Variants in COL19A1 observed in about 807,000 individuals in gnomAD.
The protein encoded by COL19A1 is collagen type XIX alpha 1 chain, also known as collagen alpha-1(XIX) chain.
In COL19A1, 159 loss-of-function variants were observed where a neutral mutation model predicts 190.2. The ratio of observed to expected loss-of-function variants is 0.84; its 90% CI spans 0.73 to 0.95. The LOEUF is 0.95. COL19A1 is among the 40% of genes least tolerant of loss of function. COL19A1 has a pLI of 0.00. For missense variants in COL19A1, 1,418 were observed against 1,431.9 expected, an observed-to-expected ratio of 0.99 and a Z score of 0.16; for synonymous variants, 509 against 458.9, an observed-to-expected ratio of 1.11 and a Z score of -1.39.
At chr6:70,037,625 T>C (rs1779423760) in intron 14 of COL19A1, among the ~76,000 whole-genome samples, 1 of 152,272 alleles carries the variant, frequency 6.6e-6, no homozygotes, top group African/African-American at 2.4e-5. Flanking sequence ...TCAACTAAGT[T>C]ATATATTCAA....
At chr6:69,979,746 C>T (rs539934768) in intron 11 of COL19A1, among the ~76,000 whole-genome samples, 1 of 151,288 alleles carries the variant, frequency 6.6e-6, no homozygotes, top group African/African-American at 2.4e-5. Context: ...AATTTAGATA[C>T]CAGGGATATA....
chr6:69,956,221 C>T (rs987083060), intron 9 of COL19A1, among the ~76,000 whole-genome samples: 1 of 151,548 alleles, frequency 6.6e-6, no homozygotes, highest in East Asian at 1.9e-4. Flanking sequence ...ATGTATTGAC[C>T]CATAAGAATA....
At position 69,961,265 on chromosome 6, in the gene COL19A1, G is replaced by A. The variant is rs945252470; in HGVS notation, c.981+1225G>A. Among the ~76,000 whole-genome samples, 3 of 152,172 alleles carry A rather than the reference G, an allele frequency of 2.0e-5. No individual in the cohort carries two copies. The East Asian group carries it at 5.8e-4, about 29-fold the overall frequency. ...ATGCACTTATTTATAGTTACAGATT[G>A]TGTTAAAGAATTTATTTACTTGGCC... On this transcript the variant is annotated intron_variant, in intron 10 of 50. Transcript: ENST00000620364.
chr6:70,187,013 G>A (rs1025424172), intron 46 of COL19A1, among the ~76,000 whole-genome samples: 25 of 152,106 alleles, frequency 1.6e-4, no homozygotes, highest in African/African-American at 5.6e-4. Context: ...GAGTAGCTGG[G>A]ATTACAGGCA....
chr6:70,200,226 CT>C (rs1402267430), intron 49 of COL19A1, among the ~76,000 whole-genome samples: 2 of 152,292 alleles, frequency 1.3e-5, no homozygotes, highest in East Asian at 1.9e-4. Flanking sequence ...TTGAATACAG[CT>C]TGTGGATGGT....
intron 40 of COL19A1, among the ~76,000 whole-genome samples, chr6:70,170,835 G>A (rs1765454501): frequency 6.6e-6 from 1 of 152,076 alleles, no homozygotes; most frequent in Admixed American, 6.6e-5. Context: ...TAATAATGAA[G>A]TTATATCCCT....
intron 1 of COL19A1, among the ~76,000 whole-genome samples, chr6:69,878,542 G>A (rs1014922621): frequency 1.3e-4 from 20 of 152,156 alleles, no homozygotes; most frequent in African/African-American, 4.6e-4. Context: ...AGACAAAATA[G>A]CAAGCATTAT....
intron 17 of COL19A1, among the ~76,000 whole-genome samples, chr6:70,125,386 C>T (rs1785134872): frequency 6.6e-6 from 1 of 152,182 alleles, no homozygotes; most frequent in Non-Finnish European, 1.5e-5. Flanking sequence ...ACAGACTACT[C>T]ATAAACTGCC....
At chr6:70,061,234 T>C (rs1161062760) in intron 14 of COL19A1, among the ~76,000 whole-genome samples, 2 of 152,170 alleles carry the variant, frequency 1.3e-5, no homozygotes, top group African/African-American at 4.8e-5. Flanking sequence ...ATTAAAATTA[T>C]TTTTGCTTTG....
rs1243974830 is a variant in COL19A1 at position 70,206,986 on chromosome 6, G to A, written c.3301+8G>A. On this transcript the variant is annotated splice_region_variant and intron_variant, in intron 50 of 50. Transcript: ENST00000620364. ...GTCTTCCTGGGACTTCAGGTAAGTG[G>A]GATATTGTCTTCACAACACAAGCAA... 1.1e-5 allele frequency: 17 copies of A among 1,612,766 alleles called. No homozygotes were observed. Among genetic ancestry groups the A allele is most frequent in the South Asian group, 3.3e-5 (3 of 90,914 alleles).
intron 16 of COL19A1, among the ~76,000 whole-genome samples, chr6:70,106,599 A>G (rs186465543): frequency 6.6e-6 from 1 of 152,170 alleles, no homozygotes; most frequent in East Asian, 1.9e-4. Flanking sequence ...TATGCATATA[A>G]TGAAACTATT....
At chr6:69,902,304 T>C (rs938470449) in intron 4 of COL19A1, among the ~76,000 whole-genome samples, 1 of 152,224 alleles carries the variant, frequency 6.6e-6, no homozygotes, top group African/African-American at 2.4e-5. Context: ...GCAGATTCTA[T>C]TTTATATGGA....
chr6:70,135,148 T>G (rs186621481), intron 18 of COL19A1, among the ~76,000 whole-genome samples: 3 of 152,282 alleles, frequency 2.0e-5, no homozygotes, highest in African/African-American at 7.2e-5. Flanking sequence ...AGGCAAGGTA[T>G]GTGGGAAGGG....
chr6:70,138,504 TTAAAG>T (rs1786018944), intron 19 of COL19A1, among the ~76,000 whole-genome samples: 2 of 152,146 alleles, frequency 1.3e-5, no homozygotes, highest in African/African-American at 2.4e-5. Flanking sequence ...TCATCTTTGT[TTAAAG>T]AAAAGTAATA....
intron 16 of COL19A1, among the ~76,000 whole-genome samples, chr6:70,108,987 A>G (rs899385399): frequency 4.6e-5 from 7 of 152,268 alleles, no homozygotes; most frequent in African/African-American, 1.7e-4. Context: ...CCTATCTACT[A>G]TGTGTTAATC....
At chr6:69,894,488 T>TG (rs1769582201) in intron 2 of COL19A1, among the ~76,000 whole-genome samples, 1 of 152,240 alleles carries the variant, frequency 6.6e-6, no homozygotes, top group Admixed American at 6.5e-5. Flanking sequence ...TAAAGTCATG[T>TG]GAACTAAAAG....
chr6:69,937,373 A>C (rs1773177504), intron 8 of COL19A1, among the ~76,000 whole-genome samples: 1 of 152,160 alleles, frequency 6.6e-6, no homozygotes, highest in Non-Finnish European at 1.5e-5. Flanking sequence ...ATAAGTTATT[A>C]GGGGAATATA....
chr6:70,037,424 G>A (rs1458591993), intron 14 of COL19A1, among the ~76,000 whole-genome samples: 1 of 152,022 alleles, frequency 6.6e-6, no homozygotes, highest in African/African-American at 2.4e-5. Flanking sequence ...CCAAAGTGCT[G>A]GGATTACAGG....
chr6:70,103,561 C>T (rs1306603557), intron 16 of COL19A1, among the ~76,000 whole-genome samples: 1 of 152,218 alleles, frequency 6.6e-6, no homozygotes, highest in Non-Finnish European at 1.5e-5. Context: ...CTTGGCCTAT[C>T]CTCCTCTATG....
Sources: gnomAD v4.1 joint callset for allele counts (sites outside exome capture counted in the v4.1 genomes callset) on GRCh38, gnomAD v4.1.1 for gene constraint, MANE v1.5 for transcripts, NCBI Gene and HGNC (gene_info 2026-07-23, HGNC 2026-07-21) for gene names.